The following ACO2 variants were observed in gnomAD, a reference collection of about 807,000 sequenced individuals.
The protein encoded by ACO2 is aconitate hydratase, mitochondrial.
Under a neutral mutation model 84.5 loss-of-function variants are expected in ACO2, and 31 were observed. The ratio of observed to expected loss-of-function variants is 0.37; its 90% CI spans 0.28 to 0.50. ACO2 has a LOEUF of 0.50. Ranked by LOEUF, ACO2 falls within the 20% of genes least tolerant of loss-of-function variation. The pLI is 0.97. For synonymous variants in ACO2, 414 were observed against 412.7 expected (o/e 1.00, Z -0.04); for missense variants, 685 against 1,029.3 (o/e 0.67, Z 4.58).
rs1438486213 is a variant in ACO2 at position 41,525,201 on chromosome 22, C to T, written c.1614C>T (p.Asp538=). 3 of 1,613,988 alleles carry T rather than the reference C, an allele frequency of 1.9e-6. No individual in the cohort carries two copies. The highest frequency in any genetic ancestry group is 1.7e-5 in the Admixed American group (1 of 60,014). ...DADELPKGEF[D]PGQDTYQHPP... ...CCCATTCCCTGCTGCAGGAGTTTGA[C>T]CCAGGGCAGGACACCTACCAGCACC... The change falls in exon 14 of 18, where the codon GAC becomes GAT. Residue 538 remains aspartate, a synonymous_variant. Coordinates refer to ENST00000216254, the MANE Select transcript of ACO2 (RefSeq NM_001098.3).
intron 2 of ACO2, among the ~76,000 whole-genome samples, chr22:41,503,829 A>G (rs2066371669): frequency 6.6e-6 from 1 of 152,224 alleles, no homozygotes; most frequent in African/African-American, 2.4e-5. Flanking sequence ...CCCCACAACA[A>G]AAGAATTCTG....
At chr22:41,469,365 A>G (rs971182555) in intron 1 of ACO2, 183 bp downstream of exon 1, 3 of 618,046 alleles carry the variant, frequency 4.9e-6, no homozygotes, top group Admixed American at 7.8e-5. Flanking sequence ...CGTCCCCGGC[A>G]CAGTCAGCTT....
chr22:41,481,286 G>C (rs2038084038), intron 1 of ACO2, among the ~76,000 whole-genome samples: 1 of 152,188 alleles, frequency 6.6e-6, no homozygotes, highest in South Asian at 2.1e-4. Context: ...GTGTTTCCAT[G>C]ATGGCACTCT....
Position 41,507,769 on chromosome 22 carries a change from C to T in ACO2, c.174-22C>T. ...GGCCGTGCAGCTAGCACCAGGCCAC[C>T]CTTCTGCTCTTCTCCCCACAGACTG... On this transcript the variant is annotated intron_variant, in intron 2 of 17. Coordinates refer to ENST00000216254, the MANE Select transcript of ACO2 (RefSeq NM_001098.3). 3 of 1,603,548 alleles carry T rather than the reference C, an allele frequency of 1.9e-6. No homozygotes were observed. In the South Asian group the frequency reaches 3.3e-5, roughly 18 times the overall value.
Position 41,523,218 on chromosome 22 carries a change from G to C in ACO2, c.1310G>C (p.Arg437Thr). ...IERDGYAQILRDLGGIVLANA... is the reference protein window; with the variant it reads ...IERDGYAQILTDLGGIVLANA... ...TCTCCCTGGCAGGCACAGATCTTGA[G>C]GGATCTGGGTGGCATTGTCCTGGCC... The change falls in exon 11 of 18, where the codon AGG (arginine) becomes ACG (threonine). Residue 437 changes from arginine to threonine, a missense_variant. Physicochemically the swap from Arg to Thr is moderately conservative, Grantham distance 71. Transcript: ENST00000216254. 2 of 1,612,776 alleles carry C rather than the reference G, an allele frequency of 1.2e-6. No individual in the cohort carries two copies. The highest frequency in any genetic ancestry group is 1.7e-6 in the Non-Finnish European group (2 of 1,179,216).
intron 3 of ACO2, among the ~76,000 whole-genome samples, chr22:41,510,742 T>C (rs1469055690): frequency 6.6e-6 from 1 of 152,196 alleles, no homozygotes; most frequent in Non-Finnish European, 1.5e-5. Context: ...TGGCCTCACA[T>C]CTGCTGTGCA....
intron 1 of ACO2, among the ~76,000 whole-genome samples, chr22:41,490,547 G>A (rs1202448977): frequency 6.6e-6 from 1 of 152,156 alleles, no homozygotes; most frequent in Non-Finnish European, 1.5e-5. Flanking sequence ...AAACAGCGCC[G>A]CGGACAGTAC....
intron 1 of ACO2, among the ~76,000 whole-genome samples, chr22:41,495,100 C>T (rs2066303772): frequency 6.6e-6 from 1 of 152,092 alleles, no homozygotes; most frequent in Non-Finnish European, 1.5e-5. Context: ...GTTCATAGCT[C>T]ACTGCAGTCT....
chr22:41,515,427 C>A lies in ACO2; in HGVS notation c.576C>A (p.Asp192Glu). ...AYPGVLLIGT[D>E]SHTPNGGGLG... ...CTGGTGTTCTTCTGATTGGCACTGA[C>A]TCCCACACCCCCAATGGTGGCGGCC... The change falls in exon 5 of 18, where the codon GAC becomes GAA. Residue 192 changes from aspartate (D) to glutamate (E), a missense_variant. By Grantham distance (45) the Asp-to-Glu change is conservative. Around this residue, in one of 5 missense-constraint regions of ACO2, gnomAD observed 92 missense variants for 203.7 expected, o/e 0.45. Transcript: ENST00000216254. This position sits in a 1 kb window ranked among gnomAD's most constrained non-coding sequence, Gnocchi z 5.8. The A allele has an allele frequency of 6.2e-7, 1 of 1,613,696 alleles. No individual in the cohort carries two copies. Among genetic ancestry groups the A allele is most frequent in the Non-Finnish European group, 8.5e-7 (1 of 1,179,962 alleles).
chr22:41,490,827 A>G (rs1248813704), intron 1 of ACO2, among the ~76,000 whole-genome samples: 1 of 152,092 alleles, frequency 6.6e-6, no homozygotes, highest in Non-Finnish European at 1.5e-5. Flanking sequence ...GGGAAAGTAG[A>G]AGCAACATCC....
At chr22:41,499,603 T>A in intron 1 of ACO2, 123 bp from the exon 2 acceptor site, 1 of 1,049,788 alleles carries the variant, frequency 9.5e-7, no homozygotes, top group East Asian at 2.5e-5. Flanking sequence ...AAGCTGAGGC[T>A]GCAGTTACTG....
chr22:41,527,437 A>T lies in ACO2; in HGVS notation c.2086+17A>T. The T allele has an allele frequency of 1.9e-6, 3 of 1,599,298 alleles. No homozygotes were observed. The highest frequency in any genetic ancestry group is 2.6e-6 in the Non-Finnish European group (3 of 1,173,264). ...GGATCCACGGTGAGCTGGAGTCTGTACCCAGGCCATCCTCATCCCATCCCT... is the reference window on the plus strand; with the variant it reads ...GGATCCACGGTGAGCTGGAGTCTGTTCCCAGGCCATCCTCATCCCATCCCT... On this transcript the variant is annotated intron_variant, in intron 16 of 17. Coordinates refer to ENST00000216254, the MANE Select transcript of ACO2 (RefSeq NM_001098.3).
At chr22:41,492,753 A>G (rs2066280895) in intron 1 of ACO2, among the ~76,000 whole-genome samples, 1 of 152,102 alleles carries the variant, frequency 6.6e-6, no homozygotes, top group African/African-American at 2.4e-5. Context: ...AGCCTGGGCA[A>G]CAAGAGCTAA....
chr22:41,480,879 G>C (rs1016117983), intron 1 of ACO2, among the ~76,000 whole-genome samples: 1 of 152,028 alleles, frequency 6.6e-6, no homozygotes, highest in Non-Finnish European at 1.5e-5. Flanking sequence ...ACAGTGGCTC[G>C]ATCTTGGCTC....
intron 1 of ACO2, among the ~76,000 whole-genome samples, chr22:41,486,659 A>G (rs1334650538): frequency 6.6e-6 from 1 of 150,934 alleles, no homozygotes; most frequent in African/African-American, 2.4e-5. Flanking sequence ...TTTAGTAGAG[A>G]CGGGGTTTCA....
chr22:41,524,077 G>A, intron 12 of ACO2, 136 bp downstream of exon 12: 1 of 714,984 alleles, frequency 1.4e-6, no homozygotes, highest in Non-Finnish European at 2.4e-6. Flanking sequence ...CCAGCCTCAG[G>A]CGCATGCTTG....
chr22:41,506,277 G>A (rs2066392400), intron 2 of ACO2, among the ~76,000 whole-genome samples: 2 of 151,040 alleles, frequency 1.3e-5, no homozygotes, highest in Admixed American at 6.6e-5. Context: ...TTTTGAGATA[G>A]AGTCTTGCTC....
rs1265469893 is a variant in ACO2, at chr22:41,520,275, G to C, written c.1137G>C (p.Val379=). 5.6e-6 allele frequency: 9 copies of C among 1,613,300 alleles called. No individual in the cohort carries two copies. The highest frequency in any genetic ancestry group is 7.6e-6 in the Non-Finnish European group (9 of 1,179,342). ...EKEGWPLDIR[V]GLIGSCTNSS... is the part of the protein sequence containing the mutation. The stretch of plus-strand genomic sequence containing the variant: ...AAGGATGGCCTCTGGACATCCGAGT[G>C]GGTGAGCACCTTCCACCCCATCTGT... The change falls in exon 9 of 18, where the codon GTG becomes GTC. Residue 379 remains valine, a splice_region_variant and synonymous_variant. Transcript: ENST00000216254.
intron 17 of ACO2, 114 bp downstream of exon 17, chr22:41,528,136 G>A (rs1318020879): frequency 6.7e-7 from 1 of 1,487,654 alleles, no homozygotes; most frequent in Non-Finnish European, 9.1e-7. Context: ...AGCTGGAAAG[G>A]CCCCCAGTTC....
Sources: gnomAD v4.1 joint callset for allele counts (sites outside exome capture counted in the v4.1 genomes callset) on GRCh38, gnomAD v4.1.1 for gene constraint, gnomAD v4.1.1 regional missense constraint, Gnocchi (gnomAD v3.1) non-coding constraint, MANE v1.5 for transcripts, NCBI Gene and HGNC (gene_info 2026-07-23, HGNC 2026-07-21) for gene names.